The following GOLGB1 variants were observed in gnomAD, a reference collection of about 807,000 sequenced individuals.
GOLGB1 encodes the protein golgin B1.
GOLGB1 carries 174 observed loss-of-function variants against 336.9 expected under a neutral mutation model. That is an observed-to-expected ratio of 0.52 (90% CI 0.46 to 0.59). GOLGB1 has a LOEUF of 0.59. GOLGB1 is among the 20% of genes least tolerant of loss of function. The pLI is 0.00. For synonymous variants in GOLGB1, 1,208 were observed against 1,289.2 expected (o/e 0.94, Z 1.35); for missense variants, 3,331 against 3,645.3 (o/e 0.91, Z 2.22).
chr3:121,712,835 T>C (rs1576401029), intron 10 of GOLGB1, among the ~76,000 whole-genome samples: 2 of 152,242 alleles, frequency 1.3e-5, no homozygotes, highest in East Asian at 3.9e-4. Context: ...GTGGAACAAA[T>C]GGAACTCTCA....
intron 14 of GOLGB1, among the ~76,000 whole-genome samples, chr3:121,682,318 CTGCTCAGTGGT>C (rs1327874759): frequency 6.6e-6 from 1 of 152,208 alleles, no homozygotes; most frequent in Non-Finnish European, 1.5e-5. Flanking sequence ...GAAGGCAGTG[CTGCTCAGTGGT>C]TAAGGACACT....
intron 1 of GOLGB1, among the ~76,000 whole-genome samples, chr3:121,742,900 T>G (rs1351218743): frequency 6.6e-6 from 1 of 152,072 alleles, no homozygotes; most frequent in East Asian, 1.9e-4. Context: ...GAAATGCAAA[T>G]CCAAACTACA....
At chr3:121,687,171 A>T (rs982503598) in intron 14 of GOLGB1, among the ~76,000 whole-genome samples, 2 of 152,182 alleles carry the variant, frequency 1.3e-5, no homozygotes, top group African/African-American at 4.8e-5. Flanking sequence ...CTGAGGCAGG[A>T]GAATTGCTTG....
At chr3:121,715,740 C>T (rs1944714554) in intron 9 of GOLGB1, among the ~76,000 whole-genome samples, 1 of 152,000 alleles carries the variant, frequency 6.6e-6, no homozygotes, top group Non-Finnish European at 1.5e-5. Context: ...CGCCTGTAAT[C>T]CCAGCACTTT....
At chr3:121,708,019 T>C (rs1044948634) in intron 10 of GOLGB1, among the ~76,000 whole-genome samples, 1 of 152,174 alleles carries the variant, frequency 6.6e-6, no homozygotes, top group Admixed American at 6.5e-5. Flanking sequence ...CCAAAAACTG[T>C]CCACAACCCA....
chr3:121,689,983 C>T (rs1942262066), intron 14 of GOLGB1, among the ~76,000 whole-genome samples: 1 of 152,158 alleles, frequency 6.6e-6, no homozygotes, highest in Non-Finnish European at 1.5e-5. Flanking sequence ...TCTTGGGAGA[C>T]CTGGATTAAA....
Position 121,693,734 on chromosome 3 carries a change from C to A in GOLGB1, c.6782+7G>T. 1 of 1,582,738 alleles carries A rather than the reference C, an allele frequency of 6.3e-7. No individual in the cohort carries two copies. Among genetic ancestry groups the A allele is most frequent in the South Asian group, 1.2e-5 (1 of 86,852 alleles). On this transcript the variant is annotated splice_region_variant and intron_variant, in intron 13 of 21. Coordinates refer to ENST00000614479, the MANE Select transcript of GOLGB1 (RefSeq NM_001366282.2). ...TCTGGAGGAGGAAAAATTCACTACT[C>A]ATTTACCTGGAAATGTTAATCTTTA... is the stretch of plus-strand genomic sequence containing the variant.
chr3:121,694,329 T>C lies in GOLGB1; in HGVS notation c.6194A>G (p.Lys2065Arg), dbSNP rs114006590. Residue 2065 changes from lysine to arginine, a missense_variant, in exon 13 of 22, where the codon AAA becomes AGA. By Grantham distance (26) the Lys-to-Arg change is conservative. Coordinates refer to ENST00000614479, the MANE Select transcript of GOLGB1 (RefSeq NM_001366282.2). ...TESQKDLEIT[K>R]ENLAQAVEHR... ...TTCAACTGCTTGAGCCAGATTTTCT[T>C]TGGTTATTTCCAAATCTTTTTGAGA... The C allele has an allele frequency of 2.6e-4, 427 of 1,611,794 alleles. No individual in the cohort carries two copies. The African/African-American group carries it at 5.2e-3, about 20-fold the overall frequency.
chr3:121,681,409 G>A (rs1251909921), intron 15 of GOLGB1, among the ~76,000 whole-genome samples: 1 of 152,168 alleles, frequency 6.6e-6, no homozygotes, highest in Non-Finnish European at 1.5e-5. Flanking sequence ...TTTTGGTGGT[G>A]CTTAAATATA....
intron 1 of GOLGB1, among the ~76,000 whole-genome samples, chr3:121,746,478 T>C (rs1477994681): frequency 8.0e-6 from 1 of 124,460 alleles, no homozygotes; most frequent in Non-Finnish European, 1.9e-5. Context: ...TATTTATTTA[T>C]TTATTTAATG....
Position 121,665,042 on chromosome 3 carries a change from A to G in GOLGB1, c.9555-11T>C. On this transcript the variant is annotated splice_polypyrimidine_tract_variant and intron_variant, in intron 20 of 21. Transcript: ENST00000614479. Reference sequence around the variant, plus strand: ...TCACTGTGCTCTAACCTGAGTTGAGAAAAAAAAGAGGCATAGCATTGGTTC... The same window carrying G: ...TCACTGTGCTCTAACCTGAGTTGAGGAAAAAAAGAGGCATAGCATTGGTTC... 6.7e-7 allele frequency: 1 copy of G among 1,486,914 alleles called. No homozygotes were observed. The highest frequency in any genetic ancestry group is 2.3e-5 in the East Asian group (1 of 44,252). The allele number at this position is 1,486,914 out of a possible 1,614,324, so 92.1% of individuals were successfully genotyped here. A position where few individuals can be genotyped will look rare whatever the true frequency, so the allele number is the denominator to read the frequency against.
chr3:121,664,949 G>C lies in GOLGB1; in HGVS notation c.9637C>G (p.Leu3213Val), dbSNP rs776068176. 1 of 1,600,510 alleles carries C rather than the reference G, an allele frequency of 6.2e-7. No individual in the cohort carries two copies. The highest frequency in any genetic ancestry group is 2.2e-5 in the East Asian group (1 of 44,828). ...GTQEQALLID[L>V]TSNSCRRTRS... ...ACCCTTCGACAACTGTTGCTTGTAA[G>C]ATCTATTAACAGTGCCTGCTCCTGA... The change falls in exon 21 of 22, where the codon CTT (leucine) becomes GTT (valine). Residue 3213 changes from leucine (L) to valine (V), a missense_variant. Coordinates refer to ENST00000614479, the MANE Select transcript of GOLGB1 (RefSeq NM_001366282.2).
At chr3:121,748,545 C>T (rs1947529967) in intron 1 of GOLGB1, among the ~76,000 whole-genome samples, 1 of 152,188 alleles carries the variant, frequency 6.6e-6, no homozygotes, top group African/African-American at 2.4e-5. Flanking sequence ...GAGTACTCTT[C>T]AACTTTTTCC....
Position 121,748,988 on chromosome 3 carries a change from TTTTCTC to T in GOLGB1, c.-3+638_-3+643del, listed in dbSNP as rs1947567869. 15 of 908,216 alleles carry T rather than the reference TTTTCTC, an allele frequency of 1.7e-5. No homozygotes were observed. The African/African-American group carries it at 2.2e-4, about 13-fold the overall frequency. The allele number at this position is 908,216 out of a possible 1,614,324, so 56.3% of individuals were successfully genotyped here. On this transcript the variant is annotated intron_variant, in intron 1 of 21. Transcript: ENST00000614479. ...CTCGAGAACTCTCTTAGAGGTTCCT[TTTTCTC>T]TAACAGCCTGCCCACCTCTGATTCC...
At chr3:121,710,231 A>C (rs940987573) in intron 10 of GOLGB1, among the ~76,000 whole-genome samples, 2 of 152,124 alleles carry the variant, frequency 1.3e-5, no homozygotes, top group Non-Finnish European at 2.9e-5. Context: ...AAAGTATTTA[A>C]AAAATTATTT....
chr3:121,701,794 CTTGAAGAGCTTATATTTAAACT>C (rs1196387097), intron 11 of GOLGB1, among the ~76,000 whole-genome samples: 1 of 152,034 alleles, frequency 6.6e-6, no homozygotes, highest in African/African-American at 2.4e-5. Flanking sequence ...GGCCCCTGCC[CTTGAAGAGCTTATATTTAAACT>C]TTGAAGAGCT....
chr3:121,722,242 T>C lies in GOLGB1; in HGVS notation c.648+20A>G. ...CACTGGACTTCATAGCTCTTTATCC[T>C]AATTTTGTGAGGTCCCTACCTGTGC... On this transcript the variant is annotated intron_variant, in intron 6 of 21. Coordinates refer to ENST00000614479, the MANE Select transcript of GOLGB1 (RefSeq NM_001366282.2). 1 of 1,381,468 alleles carries C rather than the reference T, an allele frequency of 7.2e-7. No homozygotes were observed. The highest frequency in any genetic ancestry group is 2.3e-5 in the East Asian group (1 of 43,786). The allele number at this position is 1,381,468 out of a possible 1,614,324, so 85.6% of individuals were successfully genotyped here. A position where few individuals can be genotyped will look rare whatever the true frequency, so the allele number is the denominator to read the frequency against.
In GOLGB1 at chr3:121,695,883, G is replaced by A; in HGVS notation, c.4640C>T (p.Ala1547Val). 5 of 1,613,720 alleles carry A rather than the reference G, an allele frequency of 3.1e-6. No individual in the cohort carries two copies. The highest frequency in any genetic ancestry group is 3.4e-6 in the Non-Finnish European group (4 of 1,179,662). Residue 1547 changes from alanine (A) to valine (V), a missense_variant, in exon 13 of 22, where the codon GCT becomes GTT. Ala to Val is a moderately conservative substitution (Grantham distance 64). Transcript: ENST00000614479. ...KEKDTVLGRLALLQEERDKLI... is the reference protein window; with the variant it reads ...KEKDTVLGRLVLLQEERDKLI... ...TTTGTCTCTTTCTTCTTGAAGAAGA[G>A]CTAACCTTCCTAAGACCGTATCTTT... is the stretch of plus-strand genomic sequence containing the variant.
intron 14 of GOLGB1, among the ~76,000 whole-genome samples, chr3:121,689,032 G>A (rs1167352107): frequency 2.0e-5 from 3 of 149,468 alleles, no homozygotes; most frequent in Non-Finnish European, 3.0e-5. Flanking sequence ...TCAGCCCCCC[G>A]CCCAGCCAGC....
Sources: allele counts gnomAD v4.1 joint callset (sites outside exome capture counted in the v4.1 genomes callset), GRCh38; gene constraint gnomAD v4.1.1; transcripts MANE v1.5; gene names NCBI Gene and HGNC (gene_info 2026-07-23, HGNC 2026-07-21).